Variants in LUZP2 observed in about 807,000 individuals in gnomAD.
LUZP2 encodes leucine zipper protein 2.
Under a neutral mutation model 51.6 loss-of-function variants are expected in LUZP2, and 52 were observed. The ratio of observed to expected loss-of-function variants is 1.01; its 90% confidence interval spans 0.81 to 1.27. LUZP2 has a LOEUF of 1.27. Ranked by LOEUF, LUZP2 falls within the 50% of genes most tolerant of loss-of-function variation. The pLI is 0.00. For missense variants in LUZP2, 436 were observed against 395.4 expected (o/e 1.10, Z -0.87); for synonymous variants, 154 against 137.3 (o/e 1.12, Z -0.85).
chr11:24,549,670 A>C (rs1397127094), intron 1 of LUZP2, among the ~76,000 whole-genome samples: 7 of 152,072 alleles, frequency 4.6e-5, no homozygotes, highest in African/African-American at 1.2e-4. Flanking sequence ...CATTTTCACT[A>C]GACAATAGGA....
intron 5 of LUZP2, among the ~76,000 whole-genome samples, chr11:24,838,339 G>A (rs1850918746): frequency 6.6e-6 from 1 of 151,504 alleles, no homozygotes; most frequent in Non-Finnish European, 1.5e-5. Flanking sequence ...ACCTTGTGAA[G>A]GAGATGTGTC....
At chr11:24,536,771 A>G (rs1010002903) in intron 1 of LUZP2, among the ~76,000 whole-genome samples, 2 of 151,906 alleles carry the variant, frequency 1.3e-5, no homozygotes, top group Admixed American at 6.6e-5. Context: ...TTTTGCATTC[A>G]CAACTTTGCT....
chr11:24,830,684 G>A (rs1460269232), intron 5 of LUZP2, among the ~76,000 whole-genome samples: 2 of 152,024 alleles, frequency 1.3e-5, no homozygotes, highest in African/African-American at 4.8e-5. Context: ...GATTTTTTTA[G>A]AATCTTGCTG....
At chr11:24,689,515 C>A (rs555059686) in intron 1 of LUZP2, among the ~76,000 whole-genome samples, 8 of 152,210 alleles carry the variant, frequency 5.3e-5, no homozygotes, top group Admixed American at 4.6e-4. Context: ...TATTGGGAGA[C>A]TGTTTTCTCC....
At chr11:25,010,534 C>A (rs1019000613) in intron 9 of LUZP2, among the ~76,000 whole-genome samples, 1 of 150,856 alleles carries the variant, frequency 6.6e-6, no homozygotes, top group Non-Finnish European at 1.5e-5. Flanking sequence ...GATGACAGAG[C>A]AAGAGTCCAT....
intron 5 of LUZP2, among the ~76,000 whole-genome samples, chr11:24,901,349 G>T (rs953143644): frequency 2.6e-5 from 4 of 151,448 alleles, no homozygotes; most frequent in African/African-American, 9.7e-5. Context: ...CAAGTAACTG[G>T]ATGTTTGCAA....
chr11:24,654,534 CCT>C (rs1855738628), intron 1 of LUZP2, among the ~76,000 whole-genome samples: 2 of 152,180 alleles, frequency 1.3e-5, no homozygotes, highest in South Asian at 2.1e-4. Context: ...CTTGCCTCAG[CCT>C]CTGTTTCCCA....
chr11:24,911,495 C>T (rs1384343414), intron 6 of LUZP2, among the ~76,000 whole-genome samples: 1 of 152,054 alleles, frequency 6.6e-6, no homozygotes, highest in Non-Finnish European at 1.5e-5. Context: ...TGAGTGAGTT[C>T]TCAGGAGATC....
At chr11:24,803,537 A>G (rs2716467) in intron 5 of LUZP2, among the ~76,000 whole-genome samples, 110,570 of 151,994 alleles carry the variant, frequency 0.73, 43,222 homozygotes, top group Non-Finnish European at 0.88. Context: ...ACCAACATTT[A>G]TAGCAGCGTT....
At chr11:24,639,989 G>T (rs34901679) in intron 1 of LUZP2, among the ~76,000 whole-genome samples, 34,199 of 151,518 alleles carry the variant, frequency 0.23, 4,500 homozygotes, top group African/African-American at 0.33. Flanking sequence ...TCTGACATTA[G>T]GTTAAATGTC....
intron 1 of LUZP2, among the ~76,000 whole-genome samples, chr11:24,582,863 G>A (rs1400273009): frequency 6.6e-6 from 1 of 151,870 alleles, no homozygotes; most frequent in Non-Finnish European, 1.5e-5. Context: ...GCCTAATTAT[G>A]TCTTTTACAA....
chr11:24,574,198 C>CTT (rs1392945097), intron 1 of LUZP2, among the ~76,000 whole-genome samples: 1 of 89,040 alleles, frequency 1.1e-5, no homozygotes, highest in African/African-American at 4.2e-5. Flanking sequence ...TTCTTTCTTT[C>CTT]TCTTTCTTCC....
rs562746316 is a variant in LUZP2, at chr11:24,892,526, T to A, written c.397-13465T>A. 4.0e-3 allele frequency: 2,256 copies of A among 560,736 alleles called. 13 individuals are homozygous for A. The highest frequency in any genetic ancestry group is 4.6e-3 in the Non-Finnish European group (2,018 of 441,666). 34.7% of individuals were successfully genotyped at this position (560,736 alleles called of 1,614,324 possible). The stretch of plus-strand genomic sequence containing the variant: ...TAAAGCGTATATATAACTCTATTTG[T>A]TAATGTTTCTATTCTCCATAACATT... On this transcript the variant is annotated intron_variant, in intron 5 of 11. Coordinates refer to ENST00000336930, the MANE Select transcript of LUZP2 (RefSeq NM_001009909.4).
At chr11:24,673,892 G>A (rs1269711284) in intron 1 of LUZP2, among the ~76,000 whole-genome samples, 1 of 152,070 alleles carries the variant, frequency 6.6e-6, no homozygotes, top group African/African-American at 2.4e-5. Context: ...ATCTAAATTT[G>A]TTTTCTATGA....
chr11:24,963,684 T>C (rs1855490439), intron 7 of LUZP2, among the ~76,000 whole-genome samples: 1 of 152,136 alleles, frequency 6.6e-6, no homozygotes, highest in Non-Finnish European at 1.5e-5. Context: ...TTTCTTTGAC[T>C]AGGAAAGGGA....
chr11:24,989,613 C>G (rs1277373077), intron 9 of LUZP2, among the ~76,000 whole-genome samples: 2 of 152,066 alleles, frequency 1.3e-5, no homozygotes, highest in Non-Finnish European at 2.9e-5. Flanking sequence ...TGAAAGCCAT[C>G]CTGATGCTGA....
intron 5 of LUZP2, among the ~76,000 whole-genome samples, chr11:24,845,086 T>C (rs936203664): frequency 2.0e-5 from 3 of 152,122 alleles, no homozygotes; most frequent in Non-Finnish European, 1.5e-5. Context: ...GTAGATCCAC[T>C]GACAGCTTGC....
chr11:24,691,597 T>C (rs1857068613), intron 1 of LUZP2, among the ~76,000 whole-genome samples: 1 of 151,902 alleles, frequency 6.6e-6, no homozygotes, highest in Non-Finnish European at 1.5e-5. Context: ...AACCTAGAAT[T>C]TGGAATATTT....
chr11:24,620,246 C>T (rs990744611), intron 1 of LUZP2, among the ~76,000 whole-genome samples: 3 of 147,308 alleles, frequency 2.0e-5, no homozygotes, highest in Non-Finnish European at 4.5e-5. Flanking sequence ...TAATATTTTA[C>T]AGATTTTTGC....
Sources: gnomAD v4.1 joint callset for allele counts (sites outside exome capture counted in the v4.1 genomes callset) on GRCh38, gnomAD v4.1.1 for gene constraint, MANE v1.5 for transcripts, NCBI Gene and HGNC (gene_info 2026-07-23, HGNC 2026-07-21) for gene names.